The following MYT1L variants were observed in gnomAD, a reference collection of about 807,000 sequenced individuals.
The protein encoded by MYT1L is myelin transcription factor 1-like protein.
A neutral mutation model predicts 126.7 loss-of-function variants in MYT1L; 12 were observed. That is an observed-to-expected ratio of 0.09 (90% CI 0.06 to 0.15). The LOEUF (loss-of-function observed/expected upper bound fraction) is 0.15, where lower values mean the gene tolerates loss of function less well. Among genes scored for constraint, MYT1L ranks in the 10% least tolerant of loss-of-function variants. MYT1L has a pLI of 1.00. For missense variants in MYT1L, 979 were observed against 1,585.2 expected (o/e 0.62, Z 6.49); for synonymous variants, 541 against 604.2 (o/e 0.90, Z 1.53).
chr2:2,301,519 A>G (rs1471700483), intron 1 of MYT1L, among the ~76,000 whole-genome samples: 1 of 152,140 alleles, frequency 6.6e-6, no homozygotes, highest in Non-Finnish European at 1.5e-5. Context: ...CCATTCTAAA[A>G]GTTTTCTTTA....
intron 2 of MYT1L, among the ~76,000 whole-genome samples, chr2:2,266,427 A>G (rs2095131429): frequency 6.6e-6 from 1 of 152,200 alleles, no homozygotes; most frequent in Non-Finnish European, 1.5e-5. Flanking sequence ...CTAAGTCCCA[A>G]AAGGGCTTTT....
At chr2:2,121,978 G>T (rs2081080118) in intron 3 of MYT1L, among the ~76,000 whole-genome samples, 1 of 152,182 alleles carries the variant, frequency 6.6e-6, no homozygotes, top group African/African-American at 2.4e-5. Context: ...GGGAAGCACT[G>T]CTGCTCCCCG....
In MYT1L at chr2:2,228,669, C is replaced by A. The variant is rs1337895108; in HGVS notation, c.-420-55681G>T. On this transcript the variant is annotated intron_variant, in intron 2 of 24. Transcript: ENST00000647738. The surrounding 1 kb of genome is among the most constrained non-coding windows in gnomAD (Gnocchi z 5.9). Reference sequence around the variant, plus strand: ...TGTCTATAAAACATTAAAATAGAACCATTTATATAACTTAGCAGGTATAAA... The same window carrying A: ...TGTCTATAAAACATTAAAATAGAACAATTTATATAACTTAGCAGGTATAAA... 2.6e-5 allele frequency among the ~76,000 whole-genome samples: 4 copies of A among 151,884 alleles called. No homozygotes were observed. Among genetic ancestry groups the A allele is most frequent in the Admixed American group, 2.0e-4 (3 of 15,250 alleles).
intron 11 of MYT1L, among the ~76,000 whole-genome samples, chr2:1,914,581 A>C (rs536188223): frequency 6.6e-6 from 1 of 152,002 alleles, no homozygotes; most frequent in African/African-American, 2.4e-5. Context: ...ACCTTCCCAA[A>C]CCCTGCAGAA....
chr2:1,858,538 A>T (rs1475379796), intron 18 of MYT1L, among the ~76,000 whole-genome samples: 1 of 152,252 alleles, frequency 6.6e-6, no homozygotes, highest in Non-Finnish European at 1.5e-5. Context: ...GTTAAAATGC[A>T]TGAGAGGATG....
intron 3 of MYT1L, among the ~76,000 whole-genome samples, chr2:2,106,022 A>G (rs35314672): frequency 0.27 from 40,691 of 152,004 alleles, 6,011 homozygotes; most frequent in African/African-American, 0.38. Context: ...AAACACCTTC[A>G]AATCAGAAGC....
intron 4 of MYT1L, among the ~76,000 whole-genome samples, chr2:2,030,259 G>A (rs1423878539): frequency 2.6e-5 from 4 of 151,990 alleles, no homozygotes; most frequent in Non-Finnish European, 4.4e-5. Flanking sequence ...TACCACGCCT[G>A]GCTAATTTTT....
intron 4 of MYT1L, among the ~76,000 whole-genome samples, chr2:2,003,067 G>T (rs904344386): frequency 6.6e-6 from 1 of 152,110 alleles, no homozygotes; most frequent in Non-Finnish European, 1.5e-5. Context: ...GGGAATTGCT[G>T]AGAACCAATC....
chr2:2,021,170 G>C (rs960247742), intron 4 of MYT1L, among the ~76,000 whole-genome samples: 1 of 152,194 alleles, frequency 6.6e-6, no homozygotes, highest in Admixed American at 6.5e-5. Flanking sequence ...GGTTCCTACT[G>C]CCTGAGAAAC....
At chr2:2,211,008 T>C (rs2093486158) in intron 2 of MYT1L, among the ~76,000 whole-genome samples, 1 of 152,212 alleles carries the variant, frequency 6.6e-6, no homozygotes, top group East Asian at 1.9e-4. Flanking sequence ...AGGATTGCTC[T>C]TTTGATTTCT....
intron 18 of MYT1L, among the ~76,000 whole-genome samples, chr2:1,877,941 G>T (rs990197217): frequency 5.9e-5 from 9 of 152,218 alleles, no homozygotes; most frequent in Admixed American, 3.9e-4. Flanking sequence ...GCTTGGGAGA[G>T]AAATATCGAA....
At chr2:1,911,262 C>G (rs2051927770) in intron 12 of MYT1L, among the ~76,000 whole-genome samples, 1 of 152,108 alleles carries the variant, frequency 6.6e-6, no homozygotes, top group African/African-American at 2.4e-5. Context: ...GCCAGTCAGA[C>G]AAGCAAAAAT....
At chr2:2,125,757 T>A (rs932195055) in intron 3 of MYT1L, among the ~76,000 whole-genome samples, 4 of 152,090 alleles carry the variant, frequency 2.6e-5, no homozygotes, top group Admixed American at 6.6e-5. Context: ...GGAAAAAAAA[T>A]GAAAGGAAAG....
intron 9 of MYT1L, among the ~76,000 whole-genome samples, chr2:1,933,969 ATT>A (rs920521570): frequency 8.9e-5 from 10 of 111,740 alleles, no homozygotes; most frequent in Non-Finnish European, 1.5e-4. Flanking sequence ...TCTAATTTTG[ATT>A]TTTTTTTTTT....
chr2:2,184,821 G>A (rs1158142557), intron 2 of MYT1L, among the ~76,000 whole-genome samples: 3 of 152,144 alleles, frequency 2.0e-5, no homozygotes, highest in Non-Finnish European at 2.9e-5. Context: ...TGCCTAAATC[G>A]GTGGTTGGGG....
intron 22 of MYT1L, among the ~76,000 whole-genome samples, chr2:1,804,635 G>T (rs2035403403): frequency 6.6e-6 from 1 of 152,162 alleles, no homozygotes; most frequent in African/African-American, 2.4e-5. Context: ...TTTACTTCAG[G>T]ATCCTGGTAG....
intron 3 of MYT1L, among the ~76,000 whole-genome samples, chr2:2,075,004 C>CACTCTG (rs2075058860): frequency 6.6e-6 from 1 of 152,138 alleles, no homozygotes; most frequent in Non-Finnish European, 1.5e-5. Flanking sequence ...ATAAATAAGG[C>CACTCTG]ACTCTGAAGT....
At chr2:2,315,765 T>C (rs1025960232) in intron 1 of MYT1L, among the ~76,000 whole-genome samples, 2 of 152,230 alleles carry the variant, frequency 1.3e-5, no homozygotes, top group African/African-American at 4.8e-5. Context: ...AACATCTCAC[T>C]CTAAGTAAGA....
intron 2 of MYT1L, among the ~76,000 whole-genome samples, chr2:2,237,367 C>G (rs943532426): frequency 6.6e-6 from 1 of 152,072 alleles, no homozygotes. Context: ...CAAGTTGAAA[C>G]CAGGGCAGGA....
Sources: allele counts gnomAD v4.1 joint callset (sites outside exome capture counted in the v4.1 genomes callset), GRCh38; gene constraint gnomAD v4.1.1; non-coding constraint Gnocchi (gnomAD v3.1); transcripts MANE v1.5; gene names NCBI Gene and HGNC (gene_info 2026-07-23, HGNC 2026-07-21).